CTNNA2: variants seen among roughly 807,000 people sequenced by gnomAD.
The protein encoded by CTNNA2 is catenin alpha 2, also known as catenin alpha-2.
Under a neutral mutation model 101.0 loss-of-function variants are expected in CTNNA2, and 42 were observed. That is an observed-to-expected ratio of 0.42 (90% confidence interval 0.32 to 0.54). CTNNA2 has a LOEUF of 0.54. Among genes scored for constraint, CTNNA2 ranks in the 20% least tolerant of loss-of-function variants. CTNNA2 has a pLI of 0.14. For missense variants in CTNNA2, 871 were observed against 1,223.1 expected (o/e 0.71, Z 4.29); for synonymous variants, 450 against 456.4 (o/e 0.99, Z 0.18).
intron 4 of CTNNA2, among the ~76,000 whole-genome samples, chr2:79,449,111 T>G (rs1573171104): frequency 6.6e-6 from 1 of 151,610 alleles, no homozygotes; most frequent in Admixed American, 6.6e-5. Flanking sequence ...CTGTCCCCAC[T>G]CCCCCCAAAA....
chr2:80,125,222 A>C (rs1380555575), intron 7 of CTNNA2, among the ~76,000 whole-genome samples: 1 of 152,050 alleles, frequency 6.6e-6, no homozygotes, highest in Non-Finnish European at 1.5e-5. Flanking sequence ...TTAAGTGTGA[A>C]GTTAGTTACT....
At chr2:79,845,120 T>C (rs1442381706) in intron 3 of CTNNA2, among the ~76,000 whole-genome samples, 1 of 150,140 alleles carries the variant, frequency 6.7e-6, no homozygotes, top group African/African-American at 2.5e-5. Flanking sequence ...TTATGATAAC[T>C]GACTAAGTAC....
chr2:79,970,045 G>A (rs925366014), intron 7 of CTNNA2, among the ~76,000 whole-genome samples: 13 of 152,186 alleles, frequency 8.5e-5, no homozygotes, highest in African/African-American at 3.1e-4. Flanking sequence ...CATGTGAAAG[G>A]TTTAGATCCT....
At chr2:79,961,560 C>A (rs997156747) in intron 7 of CTNNA2, among the ~76,000 whole-genome samples, 2 of 152,174 alleles carry the variant, frequency 1.3e-5, no homozygotes, top group African/African-American at 2.4e-5. Flanking sequence ...TGGTGGCTCA[C>A]GCCTGTAATC....
rs550705533 is a variant in CTNNA2, at chr2:79,613,060, C to G, written c.-5-38492C>G. Among the ~76,000 whole-genome samples, 7 of 151,600 alleles carry G rather than the reference C, an allele frequency of 4.6e-5. 1 individual carries two copies. Among genetic ancestry groups the G allele is most frequent in the African/African-American group, 1.7e-4 (7 of 41,334 alleles). ...GAGTTGACTTCAGTAGATTTCTTCA[C>G]AAATACTTTCAGTAAGCAATTTTGG... On this transcript the variant is annotated intron_variant, in intron 1 of 18. Transcript: ENST00000402739.
chr2:79,550,287 T>G (rs1003535647), intron 1 of CTNNA2, among the ~76,000 whole-genome samples: 2 of 152,198 alleles, frequency 1.3e-5, no homozygotes, highest in African/African-American at 4.8e-5. Flanking sequence ...GGGCTAGAAC[T>G]TCGGACCTTT....
intron 3 of CTNNA2, among the ~76,000 whole-genome samples, chr2:79,330,509 C>T (rs1368455449): frequency 6.6e-6 from 1 of 152,144 alleles, no homozygotes. Context: ...GCATCTCACC[C>T]TTCAAAGAGG....
chr2:80,068,334 G>C lies in CTNNA2; in HGVS notation c.1056+158537G>C, dbSNP rs149446854. Among the ~76,000 whole-genome samples, 1,047 of 152,298 alleles carry C rather than the reference G, an allele frequency of 6.9e-3. 10 individuals are homozygous for C. The highest frequency in any genetic ancestry group is 0.023 in the African/African-American group (975 of 41,568). The stretch of plus-strand genomic sequence containing the variant: ...AGAGAGCCTGCAGGGAGTGGCACTA[G>C]GTAACAGGGAGGTCATGCTTCTCCT... On this transcript the variant is annotated intron_variant, in intron 7 of 18. Transcript: ENST00000402739.
At chr2:80,017,176 T>C (rs1694207640) in intron 7 of CTNNA2, among the ~76,000 whole-genome samples, 1 of 152,136 alleles carries the variant, frequency 6.6e-6, no homozygotes, top group Non-Finnish European at 1.5e-5. Flanking sequence ...AGCCCCCTTC[T>C]AGAGTGTAAA....
chr2:79,732,178 C>A (rs750527100), intron 2 of CTNNA2, among the ~76,000 whole-genome samples: 1 of 151,952 alleles, frequency 6.6e-6, no homozygotes, highest in South Asian at 2.1e-4. Flanking sequence ...AGTTTGAAAT[C>A]TGACGTGAAA....
chr2:79,915,513 C>A (rs1342770630), intron 7 of CTNNA2, among the ~76,000 whole-genome samples: 1 of 152,054 alleles, frequency 6.6e-6, no homozygotes, highest in Non-Finnish European at 1.5e-5. Flanking sequence ...AGAAGCAATT[C>A]ATTTTGAGTG....
chr2:79,980,954 C>G (rs1265533269), intron 7 of CTNNA2, among the ~76,000 whole-genome samples: 1 of 151,946 alleles, frequency 6.6e-6, no homozygotes, highest in African/African-American at 2.4e-5. Flanking sequence ...TCTGTGCTGT[C>G]TTCCTCGATA....
Position 79,525,331 on chromosome 2 carries a change from C to T in CTNNA2, c.-6+12124C>T, listed in dbSNP as rs561528508. The stretch of plus-strand genomic sequence containing the variant: ...AGTATTTTCATGATTTTTCAAATCA[C>T]GAAAATGGTTATTTTGAATGAAAAT... On this transcript the variant is annotated intron_variant, in intron 1 of 18. Coordinates refer to ENST00000402739, the MANE Select transcript of CTNNA2 (RefSeq NM_001282597.3). Among the ~76,000 whole-genome samples, 6 of 151,972 alleles carry T rather than the reference C, an allele frequency of 3.9e-5. 1 individual carries two copies. Among genetic ancestry groups the T allele is most frequent in the Admixed American group, 2.0e-4 (3 of 15,214 alleles).
chr2:79,452,211 G>C (rs1343633723), intron 4 of CTNNA2, among the ~76,000 whole-genome samples: 1 of 152,094 alleles, frequency 6.6e-6, no homozygotes, highest in African/African-American at 2.4e-5. Flanking sequence ...AGGCAAAAGT[G>C]CCTTCCATTG....
chr2:80,295,966 T>G (rs1675702544), intron 7 of CTNNA2, among the ~76,000 whole-genome samples: 1 of 152,234 alleles, frequency 6.6e-6, no homozygotes, highest in Non-Finnish European at 1.5e-5. Flanking sequence ...TAGACTATCC[T>G]GTTTCTAAGG....
At chr2:79,965,787 G>A (rs1194546301) in intron 7 of CTNNA2, among the ~76,000 whole-genome samples, 3 of 126,126 alleles carry the variant, frequency 2.4e-5, no homozygotes, top group African/African-American at 9.3e-5. Flanking sequence ...TGGCACCACT[G>A]CCACTGTACT....
At chr2:80,077,390 A>G (rs894740102) in intron 7 of CTNNA2, among the ~76,000 whole-genome samples, 2 of 152,290 alleles carry the variant, frequency 1.3e-5, no homozygotes, top group Middle Eastern at 3.4e-3. Flanking sequence ...AACAAGTATG[A>G]ATGGATAAAT....
At chr2:79,841,202 T>C (rs1219994967) in intron 3 of CTNNA2, among the ~76,000 whole-genome samples, 2 of 152,180 alleles carry the variant, frequency 1.3e-5, no homozygotes, top group Non-Finnish European at 2.9e-5. Context: ...CTAAGAAACA[T>C]GCAGAGTCAA....
At chr2:79,665,675 A>T (rs570473193) in intron 2 of CTNNA2, among the ~76,000 whole-genome samples, 1 of 152,308 alleles carries the variant, frequency 6.6e-6, no homozygotes, top group East Asian at 1.9e-4. Context: ...ATGTCATTTT[A>T]ACTGTTCAGT....
Sources: allele counts gnomAD v4.1 joint callset (sites outside exome capture counted in the v4.1 genomes callset), GRCh38; gene constraint gnomAD v4.1.1; transcripts MANE v1.5; gene names NCBI Gene and HGNC (gene_info 2026-07-23, HGNC 2026-07-21).